The following MCM3 variants were observed in gnomAD, a reference collection of about 807,000 sequenced individuals.
MCM3 encodes DNA replication licensing factor MCM3.
Under a neutral mutation model 91.3 loss-of-function variants are expected in MCM3, and 59 were observed. The ratio of observed to expected loss-of-function variants is 0.65; its 90% CI spans 0.52 to 0.80. MCM3 has a LOEUF of 0.80. Among genes scored for constraint, MCM3 ranks in the 30% least tolerant of loss-of-function variants. The probability of loss-of-function intolerance (pLI) is 0.00; values close to 1 mark genes in which losing one functional copy is unlikely to be tolerated. For synonymous variants in MCM3, 383 were observed against 379.6 expected (o/e 1.01, Z -0.10); for missense variants, 919 against 1,035.4 (o/e 0.89, Z 1.54).
At chr6:52,283,860 CAAAT>C (rs1766388750) in intron 1 of MCM3, among the ~76,000 whole-genome samples, 1 of 152,172 alleles carries the variant, frequency 6.6e-6, no homozygotes, top group African/African-American at 2.4e-5. Context: ...ATGTGCACTT[CAAAT>C]ATATACAATA....
At position 52,283,243 on chromosome 6, in the gene MCM3, AG is replaced by A. The variant is rs1389927502; in HGVS notation, c.191+50del. The stretch of plus-strand genomic sequence containing the variant: ...GAGAGGCTGTTCCAATCTGGCCAAG[AG>A]GGAAGGGAGCCATTCTCACTGACAG... On this transcript the variant is annotated intron_variant, in intron 2 of 16. Coordinates refer to ENST00000596288, the MANE Select transcript of MCM3 (RefSeq NM_002388.6). 6.8e-6 allele frequency: 10 copies of A among 1,471,234 alleles called. No homozygotes were observed. The Middle Eastern group carries it at 6.9e-4, about 101-fold the overall frequency. 91.1% of individuals were successfully genotyped at this position (1,471,234 alleles called of 1,614,324 possible). A position where few individuals can be genotyped will look rare whatever the true frequency, so the allele number is the denominator to read the frequency against.
intron 13 of MCM3, among the ~76,000 whole-genome samples, chr6:52,268,279 A>G (rs1018307774): frequency 1.1e-4 from 16 of 152,230 alleles, no homozygotes; most frequent in Non-Finnish European, 2.2e-4. Context: ...CTTATAAATC[A>G]GGTGTCTAAT....
chr6:52,282,815 A>G lies in MCM3; in HGVS notation c.238T>C (p.Leu80=). The part of the protein sequence containing the change: ...FEELVAFQRA[L]KDFVASIDAT... ...TCAATGGAGGCCACAAAATCCTTTA[A>G]GGCCCGCTGGAAGGCAACCAGCTCC... Residue 80 remains leucine, a synonymous_variant, in exon 3 of 17, where the codon TTA becomes CTA. Coordinates refer to ENST00000596288, the MANE Select transcript of MCM3 (RefSeq NM_002388.6). 6.2e-7 allele frequency: 1 copy of G among 1,614,160 alleles called. No individual in the cohort carries two copies. The highest frequency in any genetic ancestry group is 8.5e-7 in the Non-Finnish European group (1 of 1,180,044).
intron 14 of MCM3, among the ~76,000 whole-genome samples, chr6:52,267,117 C>T (rs1287191007): frequency 2.8e-5 from 1 of 35,216 alleles, no homozygotes; most frequent in Non-Finnish European, 9.0e-5. Context: ...TTTTTTGAGA[C>T]GGACGGAGTC....
intron 9 of MCM3, 109 bp downstream of exon 9, chr6:52,276,159 G>T: frequency 1.0e-6 from 1 of 980,794 alleles, no homozygotes; most frequent in East Asian, 2.6e-5. Flanking sequence ...CTTACTTTTA[G>T]TCTTTGGCCT....
In MCM3 at chr6:52,270,979, G is replaced by A. The variant is rs148467424; in HGVS notation, c.1827+1322C>T. On this transcript the variant is annotated intron_variant, in intron 12 of 16. Transcript: ENST00000596288. ...TATAATCCCAGCACTTTGGAAGGCC[G>A]AGATGGGCGGATCACGAGGTCAGGA... Among the ~76,000 whole-genome samples the A allele has an allele frequency of 9.5e-4, 145 of 151,996 alleles. 3 individuals carry two copies. In the East Asian group the frequency reaches 0.022, roughly 23 times the overall value.
At chr6:52,279,329 G>T in intron 5 of MCM3, 32 bp downstream of exon 5, 1 of 1,533,598 alleles carries the variant, frequency 6.5e-7, no homozygotes. Context: ...GCTGTCAACA[G>T]CATTCCATAT....
In MCM3 at chr6:52,272,337, C is replaced by G. The variant is rs1187322835; in HGVS notation, c.1791G>C (p.Leu597=). 1 of 1,614,208 alleles carries G rather than the reference C, an allele frequency of 6.2e-7. No individual in the cohort carries two copies. Among genetic ancestry groups the G allele is most frequent in the Admixed American group, 1.7e-5 (1 of 60,034 alleles). The part of the protein sequence containing the change: ...ATYIAEEYSR[L]RSQDSMSSDT... ...CTGAGCTCATGCTATCCTGGCTGCG[C>G]AGGCGTGAATACTCTTCTGCAATGT... Residue 597 remains leucine, a synonymous_variant, in exon 12 of 17, where the codon CTG becomes CTC. Coordinates refer to ENST00000596288, the MANE Select transcript of MCM3 (RefSeq NM_002388.6).
chr6:52,278,970 G>C, intron 5 of MCM3, 120 bp from the exon 6 acceptor site: 1 of 630,750 alleles, frequency 1.6e-6, no homozygotes, highest in East Asian at 2.8e-5. Flanking sequence ...ATTAGAGTTG[G>C]TGGGGAGGGG....
In MCM3 at chr6:52,264,606, G is replaced by T; in HGVS notation, c.2409C>A (p.Gly803=). Residue 803 remains glycine (G), a synonymous_variant, in exon 17 of 17, where the codon GGC becomes GGA. Coordinates refer to ENST00000596288, the MANE Select transcript of MCM3 (RefSeq NM_002388.6). ...GGCCTCCTCAGATGAGGAAGATGAT[G>T]CCCTCAGACACCATGACCTGATTGT... ...QDDNQVMVSE[G]IIFLI 1.2e-6 allele frequency: 2 copies of T among 1,614,204 alleles called. No individual in the cohort carries two copies. Among genetic ancestry groups the T allele is most frequent in the Non-Finnish European group, 1.7e-6 (2 of 1,180,036 alleles).
chr6:52,281,958 A>C, intron 4 of MCM3, 87 bp downstream of exon 4: 2 of 1,368,940 alleles, frequency 1.5e-6, no homozygotes, highest in Non-Finnish European at 2.0e-6. Flanking sequence ...CAGAAAAAAG[A>C]CTTCAGATAT....
intron 2 of MCM3, among the ~76,000 whole-genome samples, 158 bp downstream of exon 2, chr6:52,283,136 T>A (rs538267161): frequency 4.5e-5 from 4 of 88,104 alleles, no homozygotes; most frequent in African/African-American, 1.8e-4. Flanking sequence ...CACCCACTTT[T>A]TGAAAAAAAA....
rs372359386 is a variant in MCM3, at chr6:52,283,398, C to T, written c.87G>A (p.Gln29=). The change falls in exon 2 of 17, where the codon CAG becomes CAA. Residue 29 remains glutamine (Q), a synonymous_variant. Coordinates refer to ENST00000596288, the MANE Select transcript of MCM3 (RefSeq NM_002388.6). ...YLDFLDDEED[Q]GIYQSKVREL... ...CCCGAACTTTGCTCTGATAAATTCC[C>T]TGGTCTTCCTGCAAAACAGCCACCA... 23 of 1,612,252 alleles carry T rather than the reference C, an allele frequency of 1.4e-5. 1 individual carries two copies. The Middle Eastern group carries it at 4.9e-4, about 35-fold the overall frequency.
chr6:52,266,120 G>A lies in MCM3; in HGVS notation c.2183C>T (p.Ser728Leu). The change falls in exon 16 of 17, where the codon TCA (serine) becomes TTA (leucine). Residue 728 changes from serine (S) to leucine (L), a missense_variant. This residue lies in a region of MCM3 where 285 missense variants were observed against 311.4 expected (regional missense o/e 0.92). Coordinates refer to ENST00000596288, the MANE Select transcript of MCM3 (RefSeq NM_002388.6). ...PQVHTPKTAD[S>L]QETKESQKVE... ...TTTCTGGGATTCCTTGGTCTCCTGT[G>A]AGTCTGCCGTCTTTGGAGTGTGTAC... 3 of 1,614,094 alleles carry A rather than the reference G, an allele frequency of 1.9e-6. No homozygotes were observed. Among genetic ancestry groups the A allele is most frequent in the Non-Finnish European group, 2.5e-6 (3 of 1,179,960 alleles).
chr6:52,265,144 A>G (rs575059206), intron 16 of MCM3: 1 of 349,342 alleles, frequency 2.9e-6, no homozygotes, highest in South Asian at 2.4e-5. Context: ...ATGAGTGCAC[A>G]CTGATAAATT....
intron 12 of MCM3, 85 bp downstream of exon 12, chr6:52,272,216 T>A: frequency 7.1e-7 from 1 of 1,413,922 alleles, no homozygotes. Context: ...TAAGTTAAAA[T>A]GCTTTCAAAG....
intron 10 of MCM3, 129 bp downstream of exon 10, chr6:52,273,611 CTA>C (rs1765318659): frequency 1.0e-6 from 1 of 957,428 alleles, no homozygotes; most frequent in Non-Finnish European, 1.5e-6. Flanking sequence ...GGGGAGGTGG[CTA>C]AACAGTTGAG....
At chr6:52,284,007 T>C (rs1328282925) in intron 1 of MCM3, among the ~76,000 whole-genome samples, 1 of 152,234 alleles carries the variant, frequency 6.6e-6, no homozygotes, top group African/African-American at 2.4e-5. Flanking sequence ...CCTAAAGGAA[T>C]AGAGAATCTC....
chr6:52,266,110 G>A lies in MCM3; in HGVS notation c.2193C>T (p.Thr731=), dbSNP rs911696838. Residue 731 remains threonine (T), a synonymous_variant, in exon 16 of 17, where the codon ACC becomes ACT. Transcript: ENST00000596288. ...HTPKTADSQE[T]KESQKVELSE... The stretch of plus-strand genomic sequence containing the variant: ...TCAACTCCACTTTCTGGGATTCCTT[G>A]GTCTCCTGTGAGTCTGCCGTCTTTG... 1.2e-6 allele frequency: 2 copies of A among 1,614,082 alleles called. No homozygotes were observed. Among genetic ancestry groups the A allele is most frequent in the Non-Finnish European group, 1.7e-6 (2 of 1,179,996 alleles).
Sources: gnomAD v4.1 joint callset for allele counts (sites outside exome capture counted in the v4.1 genomes callset) on GRCh38, gnomAD v4.1.1 for gene constraint, gnomAD v4.1.1 regional missense constraint, MANE v1.5 for transcripts, NCBI Gene and HGNC (gene_info 2026-07-23, HGNC 2026-07-21) for gene names.